TMEM132B: variants seen among roughly 807,000 people sequenced by gnomAD.
The protein encoded by TMEM132B is transmembrane protein 132B.
TMEM132B carries 18 observed loss-of-function variants against 90.8 expected under a neutral mutation model. That is an observed-to-expected ratio of 0.20 (90% confidence interval 0.14 to 0.29). The LOEUF is 0.29. TMEM132B is among the 10% of genes least tolerant of loss of function. TMEM132B has a pLI of 1.00. For synonymous variants in TMEM132B, 504 were observed against 523.3 expected, an observed-to-expected ratio of 0.96 and a Z score of 0.50; for missense variants, 1,096 against 1,326.8, an observed-to-expected ratio of 0.83 and a Z score of 2.70.
At chr12:125,412,685 C>T (rs1402988064) in intron 2 of TMEM132B, among the ~76,000 whole-genome samples, 1 of 152,116 alleles carries the variant, frequency 6.6e-6, no homozygotes, top group Non-Finnish European at 1.5e-5. Flanking sequence ...ATTATGGTAG[C>T]AAGTACCGAT....
Position 125,507,834 on chromosome 12 carries a change from A to G in TMEM132B, c.1107-11605A>G, listed in dbSNP as rs1882883300. 2.6e-5 allele frequency among the ~76,000 whole-genome samples: 4 copies of G among 152,160 alleles called. No homozygotes were observed. The South Asian group carries it at 8.3e-4, about 32-fold the overall frequency. On this transcript the variant is annotated intron_variant, in intron 3 of 8. Transcript: ENST00000682704. The stretch of plus-strand genomic sequence containing the variant: ...AGAAGAGTATGTGACTTAAGTTCTA[A>G]CACAAGCACTCTGGCTGCTGTGTGG...
intron 3 of TMEM132B, among the ~76,000 whole-genome samples, chr12:125,484,688 C>T (rs952411149): frequency 3.3e-5 from 5 of 152,034 alleles, no homozygotes; most frequent in African/African-American, 1.2e-4. Context: ...TGGAGTGCAG[C>T]GGTGTGATCA....
intron 5 of TMEM132B, among the ~76,000 whole-genome samples, chr12:125,598,107 A>G (rs1039172009): frequency 6.6e-6 from 1 of 152,184 alleles, no homozygotes; most frequent in African/African-American, 2.4e-5. Context: ...GCTGTGTTTG[A>G]TCAGAACCCT....
intron 1 of TMEM132B, among the ~76,000 whole-genome samples, chr12:125,347,678 A>T (rs144546301): frequency 6.6e-6 from 1 of 152,152 alleles, no homozygotes; most frequent in African/African-American, 2.4e-5. Context: ...TTCTTCTTGC[A>T]CTGGTTGGAA....
At chr12:125,412,854 TG>T (rs1357696164) in intron 2 of TMEM132B, among the ~76,000 whole-genome samples, 3 of 152,122 alleles carry the variant, frequency 2.0e-5, no homozygotes, top group Admixed American at 6.5e-5. Flanking sequence ...AATTAATTCC[TG>T]GAACATCATG....
chr12:125,598,623 A>C (rs189966855), intron 5 of TMEM132B, among the ~76,000 whole-genome samples: 1 of 152,354 alleles, frequency 6.6e-6, no homozygotes, highest in East Asian at 1.9e-4. Context: ...GGTGCCAATG[A>C]AAACTAATGT....
At chr12:125,615,333 G>A (rs1593023714) in intron 5 of TMEM132B, among the ~76,000 whole-genome samples, 1 of 151,384 alleles carries the variant, frequency 6.6e-6, no homozygotes, top group Non-Finnish European at 1.5e-5. Context: ...ATATCTGTCT[G>A]TCTATCTATC....
intron 4 of TMEM132B, among the ~76,000 whole-genome samples, chr12:125,541,459 C>T (rs1883954985): frequency 6.6e-6 from 1 of 152,032 alleles, no homozygotes; most frequent in African/African-American, 2.4e-5. Flanking sequence ...TTTCTTGGCA[C>T]ACAGGATGTG....
chr12:125,445,767 C>G lies in TMEM132B; in HGVS notation c.1106+30090C>G, dbSNP rs2136437396. On this transcript the variant is annotated intron_variant, in intron 3 of 8. Transcript: ENST00000682704. This position sits in a 1 kb window ranked among gnomAD's most constrained non-coding sequence, Gnocchi z 4.3. ...TGACACCCTCTGCTTACCCCACCAGCCTGCACCGCGGAGAGTTGGCTCCTT... is the reference window on the plus strand; with the variant it reads ...TGACACCCTCTGCTTACCCCACCAGGCTGCACCGCGGAGAGTTGGCTCCTT... Among the ~76,000 whole-genome samples the G allele has an allele frequency of 6.6e-6, 1 of 152,320 alleles. No individual in the cohort carries two copies. Among genetic ancestry groups the G allele is most frequent in the East Asian group, 1.9e-4 (1 of 5,174 alleles).
At chr12:125,605,320 G>A (rs1212619726) in intron 5 of TMEM132B, among the ~76,000 whole-genome samples, 2 of 152,192 alleles carry the variant, frequency 1.3e-5, no homozygotes, top group Non-Finnish European at 2.9e-5. Flanking sequence ...TGATTGGACA[G>A]TTAACCGGCT....
chr12:125,274,540 A>G (rs1373428324), intron 1 of TMEM132B, among the ~76,000 whole-genome samples: 2 of 152,212 alleles, frequency 1.3e-5, no homozygotes, highest in East Asian at 1.9e-4. Flanking sequence ...GTTAATGCTC[A>G]TTGTCAATGC....
At chr12:125,595,956 A>G (rs897303676) in intron 5 of TMEM132B, among the ~76,000 whole-genome samples, 3 of 151,766 alleles carry the variant, frequency 2.0e-5, no homozygotes, top group East Asian at 1.9e-4. Flanking sequence ...AGACAAACAC[A>G]TGTCCTCTTT....
At chr12:125,369,102 A>G (rs985191103) in intron 2 of TMEM132B, among the ~76,000 whole-genome samples, 2 of 149,792 alleles carry the variant, frequency 1.3e-5, no homozygotes, top group Non-Finnish European at 3.0e-5. Context: ...ATTCCCACCT[A>G]TGAGTGAGAA....
rs756720340 is a variant in TMEM132B at position 125,653,682 on chromosome 12, G to C, written c.2224G>C (p.Val742Leu). 1 of 1,614,206 alleles carries C rather than the reference G, an allele frequency of 6.2e-7. No homozygotes were observed. The highest frequency in any genetic ancestry group is 1.1e-5 in the South Asian group (1 of 91,078). ...VSSLDEMVVS[V>L]QANLESKWPI... Reference sequence around the variant, plus strand: ...ATCATTGGATGAAATGGTGGTGTCTGTCCAGGCAAACCTTGAGTCCAAATG... The same window carrying C: ...ATCATTGGATGAAATGGTGGTGTCTCTCCAGGCAAACCTTGAGTCCAAATG... The change falls in exon 9 of 9, where the codon GTC becomes CTC. Residue 742 changes from valine (V) to leucine (L), a missense_variant. By Grantham distance (32) the Val-to-Leu change is conservative. Coordinates refer to ENST00000682704, the MANE Select transcript of TMEM132B (RefSeq NM_001366854.1).
chr12:125,546,081 A>G (rs980519382), intron 4 of TMEM132B, among the ~76,000 whole-genome samples: 1 of 152,216 alleles, frequency 6.6e-6, no homozygotes, highest in African/African-American at 2.4e-5. Context: ...ATAAAGAAAC[A>G]GAACATACCC....
At chr12:125,298,019 G>A (rs2136156400) in intron 1 of TMEM132B, among the ~76,000 whole-genome samples, 1 of 152,290 alleles carries the variant, frequency 6.6e-6, no homozygotes, top group South Asian at 2.1e-4. Flanking sequence ...TTTGGAGCCT[G>A]AGGCAAGAGG....
At chr12:125,617,169 A>G (rs1160669572) in intron 5 of TMEM132B, among the ~76,000 whole-genome samples, 2 of 152,064 alleles carry the variant, frequency 1.3e-5, no homozygotes, top group African/African-American at 2.4e-5. Flanking sequence ...CTCTATGCCC[A>G]TGGCTTTTTG....
intron 1 of TMEM132B, among the ~76,000 whole-genome samples, chr12:125,197,591 G>A (rs1009123817): frequency 6.6e-6 from 1 of 152,340 alleles, no homozygotes; most frequent in African/African-American, 2.4e-5. Flanking sequence ...CTCTACAACA[G>A]TGACAGAATT....
intron 2 of TMEM132B, among the ~76,000 whole-genome samples, chr12:125,359,351 C>T (rs1361571400): frequency 6.6e-6 from 1 of 152,048 alleles, no homozygotes; most frequent in Admixed American, 6.6e-5. Flanking sequence ...TTTTTCCAAT[C>T]TATAATATAC....
Sources: gnomAD v4.1 joint callset for allele counts (sites outside exome capture counted in the v4.1 genomes callset) on GRCh38, gnomAD v4.1.1 for gene constraint, Gnocchi (gnomAD v3.1) non-coding constraint, MANE v1.5 for transcripts, NCBI Gene and HGNC (gene_info 2026-07-23, HGNC 2026-07-21) for gene names.